The following LCA5L variants were observed in gnomAD, a reference collection of about 807,000 sequenced individuals.
LCA5L encodes lebercilin-like protein.
A neutral mutation model predicts 45.4 loss-of-function variants in LCA5L; 35 were observed. The observed-to-expected ratio is 0.77, with a 90% CI of 0.59 to 1.02. The LOEUF is 1.02. Ranked by LOEUF, LCA5L falls within the 50% of genes least tolerant of loss-of-function variation. The pLI, the probability that LCA5L is intolerant of heterozygous loss-of-function variation, is 0.00. For synonymous variants in LCA5L, 233 were observed against 264.7 expected (o/e 0.88, Z 1.16); for missense variants, 668 against 761.6 (o/e 0.88, Z 1.45).
At chr21:39,423,550 C>T in intron 5 of LCA5L, 60 bp from the exon 6 acceptor site, 3 of 1,371,458 alleles carry the variant, frequency 2.2e-6, no homozygotes, top group South Asian at 2.9e-5. Context: ...CAAATATGCA[C>T]ATATGCATAA....
chr21:39,436,915 A>T (rs1383225162), intron 2 of LCA5L, among the ~76,000 whole-genome samples: 1 of 152,056 alleles, frequency 6.6e-6, no homozygotes, highest in Non-Finnish European at 1.5e-5. Context: ...TCTCTTTAAC[A>T]CATACTATCT....
chr21:39,432,962 T>C (rs2075894463), intron 3 of LCA5L, among the ~76,000 whole-genome samples: 12 of 152,240 alleles, frequency 7.9e-5, no homozygotes, highest in Admixed American at 7.8e-4. Context: ...TTTGGGCTAT[T>C]ACAAATAAAA....
chr21:39,435,214 T>C (rs908209630), intron 3 of LCA5L, among the ~76,000 whole-genome samples: 2 of 152,216 alleles, frequency 1.3e-5, no homozygotes, highest in African/African-American at 4.8e-5. Context: ...GAATGCACTA[T>C]GGTGAAAGGG....
At chr21:39,415,981 A>C (rs965951335) in intron 7 of LCA5L, among the ~76,000 whole-genome samples, 3 of 152,180 alleles carry the variant, frequency 2.0e-5, no homozygotes, top group Non-Finnish European at 4.4e-5. Flanking sequence ...GGAAGCGCGT[A>C]TCTCTTATGT....
rs1240955643 is a variant in LCA5L, at chr21:39,435,495, G to GT, written c.-168dup. The GT allele has an allele frequency of 1.3e-5, 2 of 152,140 alleles. No individual in the cohort carries two copies. The highest frequency in any genetic ancestry group is 3.8e-4 in the East Asian group (2 of 5,200). The allele number at this position is 152,140 out of a possible 1,614,324, so 9.4% of individuals were successfully genotyped here. A position where few individuals can be genotyped will look rare whatever the true frequency, so the allele number is the denominator to read the frequency against. Reference sequence around the variant, plus strand: ...TAAGCACAGGGTTCTTCACACTGTAGTATTTATGAGCTTTCCACGGTAGTA... The same window carrying GT: ...TAAGCACAGGGTTCTTCACACTGTAGTTATTTATGAGCTTTCCACGGTAGTA... On this transcript the variant is annotated 5_prime_UTR_variant, in exon 3 of 11. It removes the in-frame stop codon of an upstream open reading frame in the 5' UTR. Transcript: ENST00000288350.
At chr21:39,433,905 AGG>A (rs932093980) in intron 3 of LCA5L, among the ~76,000 whole-genome samples, 2 of 148,098 alleles carry the variant, frequency 1.4e-5, no homozygotes, top group African/African-American at 5.0e-5. Context: ...GCTGGACTAC[AGG>A]TCCATGCCAC....
intron 9 of LCA5L, 40 bp downstream of exon 9, chr21:39,410,224 A>ATGTT (rs2039849844): frequency 7.6e-7 from 1 of 1,318,660 alleles, no homozygotes; most frequent in Admixed American, 1.8e-5. Flanking sequence ...TTGTTAAGAC[A>ATGTT]TGTTTAATCA....
At chr21:39,431,794 G>T (rs904361512) in intron 3 of LCA5L, among the ~76,000 whole-genome samples, 1 of 152,176 alleles carries the variant, frequency 6.6e-6, no homozygotes, top group African/African-American at 2.4e-5. Context: ...GGGATTACAG[G>T]TGTAAGCCAG....
Position 39,428,458 on chromosome 21 carries a change from A to G in LCA5L, c.36T>C (p.Asp12=). Residue 12 remains aspartate, a synonymous_variant, in exon 5 of 11, where the codon GAT becomes GAC. Coordinates refer to ENST00000288350, the MANE Select transcript of LCA5L (RefSeq NM_152505.4). ...CTAATGCCACGCCGAAGAAATGCTC[A>G]TCTATATTTGTTTTTGTTAGATCAG... The part of the protein sequence containing the change: ...SLADLTKTNI[D]EHFFGVALEN... 2 of 1,610,108 alleles carry G rather than the reference A, an allele frequency of 1.2e-6. No individual in the cohort carries two copies. The highest frequency in any genetic ancestry group is 2.3e-5 in the East Asian group (1 of 44,238).
chr21:39,414,697 T>G, intron 7 of LCA5L, among the ~76,000 whole-genome samples: 1 of 151,008 alleles, frequency 6.6e-6, no homozygotes, highest in Non-Finnish European at 1.5e-5. Flanking sequence ...CAGTACTGCA[T>G]CTGTCTGGTT....
chr21:39,410,810 C>T (rs758533923), intron 8 of LCA5L: 1 of 470,778 alleles, frequency 2.1e-6, no homozygotes, highest in African/African-American at 2.0e-5. Context: ...ATTTAAACAA[C>T]CCCTCGGTTG....
chr21:39,443,648 G>A (rs948034251), intron 2 of LCA5L: 1 of 152,258 alleles, frequency 6.6e-6, no homozygotes, highest in Non-Finnish European at 1.5e-5. Flanking sequence ...CAGACCCTCA[G>A]CTAACCGTGG....
chr21:39,428,474 G>T lies in LCA5L; in HGVS notation c.20C>A (p.Thr7Lys). Reference sequence around the variant, plus strand: ...GAAATGCTCATCTATATTTGTTTTTGTTAGATCAGCCAAAGACATAGCAAA... The same window carrying T: ...GAAATGCTCATCTATATTTGTTTTTTTTAGATCAGCCAAAGACATAGCAAA... MSLADL[T>K]KTNIDEHFFG... is the part of the protein sequence containing the mutation. The change falls in exon 5 of 11, where the codon ACA (threonine) becomes AAA (lysine). Residue 7 changes from threonine (T) to lysine (K), a missense_variant. By Grantham distance (78) the Thr-to-Lys change is moderately conservative. Transcript: ENST00000288350. 1 of 1,604,140 alleles carries T rather than the reference G, an allele frequency of 6.2e-7. No homozygotes were observed.
At chr21:39,429,839 G>A (rs1269180473) in intron 3 of LCA5L, among the ~76,000 whole-genome samples, 1 of 152,080 alleles carries the variant, frequency 6.6e-6, no homozygotes, top group Non-Finnish European at 1.5e-5. Flanking sequence ...GCAACATGGC[G>A]AAACCGTCTC....
chr21:39,421,037 G>C (rs779303149), intron 6 of LCA5L, among the ~76,000 whole-genome samples, 194 bp from the exon 7 acceptor site: 7 of 151,440 alleles, frequency 4.6e-5, no homozygotes, highest in South Asian at 2.1e-4. Context: ...CCCAGCTCTA[G>C]AGAACAAATA....
At chr21:39,441,136 G>A (rs981175381) in intron 2 of LCA5L, among the ~76,000 whole-genome samples, 1 of 151,996 alleles carries the variant, frequency 6.6e-6, no homozygotes, top group African/African-American at 2.4e-5. Flanking sequence ...GGGAGTTTGA[G>A]AGCAGCCTGG....
rs2039606553 is a variant in LCA5L at position 39,409,048 on chromosome 21, A to G, written c.1282+931T>C. Among the ~76,000 whole-genome samples, 1 of 152,156 alleles carries G rather than the reference A, an allele frequency of 6.6e-6. No individual in the cohort carries two copies. Among genetic ancestry groups the G allele is most frequent in the African/African-American group, 2.4e-5 (1 of 41,436 alleles). On this transcript the variant is annotated intron_variant, in intron 10 of 10. Coordinates refer to ENST00000288350, the MANE Select transcript of LCA5L (RefSeq NM_152505.4). This position sits in a 1 kb window ranked among gnomAD's most constrained non-coding sequence, Gnocchi z 4.2. ...TGAAGCCGTAACCCCCAGTATGGCTATATTTGGAGACTGGGTCTTTAAGGA... is the reference window on the plus strand; with the variant it reads ...TGAAGCCGTAACCCCCAGTATGGCTGTATTTGGAGACTGGGTCTTTAAGGA...
chr21:39,418,753 G>T (rs2041755220), intron 7 of LCA5L, among the ~76,000 whole-genome samples: 1 of 152,160 alleles, frequency 6.6e-6, no homozygotes, highest in Non-Finnish European at 1.5e-5. Context: ...GCCCGCCTCG[G>T]CCTCCCAAAG....
rs1569092876 is a variant in LCA5L at position 39,420,719 on chromosome 21, T to A, written c.962A>T (p.Gln321Leu). ...TAAAAGAAATACCTTAAGTTTTTGTTGAAGGTGTTTTACTTCCACCTGCAG... is the reference window on the plus strand; with the variant it reads ...TAAAAGAAATACCTTAAGTTTTTGTAGAAGGTGTTTTACTTCCACCTGCAG... ...KTLQVEVKHL[Q>L]QKLKEKDREL... is the part of the protein sequence containing the mutation. Residue 321 changes from glutamine to leucine, a missense_variant, in exon 7 of 11, where the codon CAA becomes CTA. Coordinates refer to ENST00000288350, the MANE Select transcript of LCA5L (RefSeq NM_152505.4). 13 of 1,611,780 alleles carry A rather than the reference T, an allele frequency of 8.1e-6. No homozygotes were observed. The highest frequency in any genetic ancestry group is 1.1e-5 in the Non-Finnish European group (13 of 1,178,692).
Sources: gnomAD v4.1 joint callset for allele counts (sites outside exome capture counted in the v4.1 genomes callset) on GRCh38, gnomAD v4.1.1 for gene constraint, Gnocchi (gnomAD v3.1) non-coding constraint, MANE v1.5 for transcripts, NCBI Gene and HGNC (gene_info 2026-07-23, HGNC 2026-07-21) for gene names.